Variants in EML6 observed in about 807,000 individuals in gnomAD.
EML6 encodes the protein echinoderm microtubule-associated protein-like 6.
In EML6, 154 loss-of-function variants were observed where a neutral mutation model predicts 240.1. That is an observed-to-expected ratio of 0.64 (90% CI 0.56 to 0.73). The LOEUF (loss-of-function observed/expected upper bound fraction) is 0.73, where lower values mean the gene tolerates loss of function less well. EML6 is among the 30% of genes least tolerant of loss of function. The pLI, the probability that EML6 is intolerant of heterozygous loss-of-function variation, is 0.00. For missense variants in EML6, 2,964 were observed against 2,474.6 expected, an observed-to-expected ratio of 1.20 and a Z score of -4.20; for synonymous variants, 1,148 against 899.0, an observed-to-expected ratio of 1.28 and a Z score of -4.95.
chr2:54,876,796 T>A (rs1671529238), intron 16 of EML6, among the ~76,000 whole-genome samples: 2 of 152,188 alleles, frequency 1.3e-5, no homozygotes, highest in Middle Eastern at 3.2e-3. Flanking sequence ...TCAGAGTAGC[T>A]ATCACATCCA....
At chr2:54,781,773 G>C (rs2103853303) in intron 2 of EML6, among the ~76,000 whole-genome samples, 1 of 152,228 alleles carries the variant, frequency 6.6e-6, no homozygotes, top group Middle Eastern at 3.4e-3. Flanking sequence ...GGGCTCAAGT[G>C]ATCCTCCCAC....
At chr2:54,943,181 T>C (rs1430653205) in intron 28 of EML6, among the ~76,000 whole-genome samples, 2 of 152,226 alleles carry the variant, frequency 1.3e-5, no homozygotes, top group East Asian at 3.8e-4. Context: ...GCATTCCATC[T>C]TGGTGCTTCT....
chr2:54,933,594 T>C (rs549746946), intron 28 of EML6, among the ~76,000 whole-genome samples: 6 of 152,014 alleles, frequency 3.9e-5, no homozygotes, highest in African/African-American at 1.4e-4. Flanking sequence ...ATTAGCCTGG[T>C]ATGGTGGCAC....
chr2:54,858,810 T>C (rs1439401342), intron 11 of EML6, among the ~76,000 whole-genome samples: 1 of 152,184 alleles, frequency 6.6e-6, no homozygotes, highest in Non-Finnish European at 1.5e-5. Context: ...CCAACCCTAA[T>C]AAAAGGGATT....
At chr2:54,793,008 C>G (rs1237054623) in intron 2 of EML6, among the ~76,000 whole-genome samples, 1 of 152,168 alleles carries the variant, frequency 6.6e-6, no homozygotes, top group Non-Finnish European at 1.5e-5. Context: ...TGGCTCTCAA[C>G]TATAATCTCA....
chr2:54,853,480 TTTAA>T (rs1670202263), intron 10 of EML6, among the ~76,000 whole-genome samples, 159 bp from the exon 11 acceptor site: 1 of 151,382 alleles, frequency 6.6e-6, no homozygotes, highest in African/African-American at 2.4e-5. Context: ...GTGGGCTTTC[TTTAA>T]GCCACGCAAA....
At chr2:54,843,531 A>G (rs1232692521) in intron 7 of EML6, among the ~76,000 whole-genome samples, 1 of 152,172 alleles carries the variant, frequency 6.6e-6, no homozygotes, top group Non-Finnish European at 1.5e-5. Context: ...TGGAGGAAAC[A>G]TCCAGCGCTT....
chr2:54,841,047 C>A (rs901306363), intron 7 of EML6, among the ~76,000 whole-genome samples: 2 of 152,100 alleles, frequency 1.3e-5, no homozygotes, highest in African/African-American at 4.8e-5. Context: ...TATGTTGACT[C>A]CTGAGTGGTA....
chr2:54,848,934 C>T (rs796889798), intron 9 of EML6, among the ~76,000 whole-genome samples: 11 of 152,158 alleles, frequency 7.2e-5, no homozygotes, highest in African/African-American at 2.2e-4. Flanking sequence ...GCTCTTTTTG[C>T]GACAATAGGT....
chr2:54,914,515 A>G (rs1189644420), intron 25 of EML6, among the ~76,000 whole-genome samples: 1 of 151,878 alleles, frequency 6.6e-6, no homozygotes, highest in African/African-American at 2.4e-5. Flanking sequence ...CAAAAGGAAA[A>G]TTCATGTTAT....
chr2:54,744,905 T>TACAC (rs56324677), intron 2 of EML6, among the ~76,000 whole-genome samples: 5,584 of 107,030 alleles, frequency 0.052, 333 homozygotes, highest in Middle Eastern at 0.085. Context: ...CACACACACG[T>TACAC]ACACACACAC....
intron 28 of EML6, among the ~76,000 whole-genome samples, chr2:54,943,909 G>A (rs965090612): frequency 2.0e-5 from 3 of 152,132 alleles, no homozygotes; most frequent in Non-Finnish European, 4.4e-5. Flanking sequence ...GCCACATGTG[G>A]CATTGGCTAC....
chr2:54,908,369 C>T (rs1573119845), intron 24 of EML6, among the ~76,000 whole-genome samples: 1 of 151,934 alleles, frequency 6.6e-6, no homozygotes, highest in African/African-American at 2.4e-5. Flanking sequence ...GCCACCATGC[C>T]CGGCTAATTT....
intron 17 of EML6, chr2:54,881,008 A>G (rs1238905893): frequency 6.6e-6 from 1 of 152,198 alleles, no homozygotes; most frequent in Non-Finnish European, 1.5e-5. Context: ...GGATAGTGTT[A>G]CTGCCTCTAT....
chr2:54,785,547 G>A (rs1336759248), intron 2 of EML6, among the ~76,000 whole-genome samples: 1 of 152,074 alleles, frequency 6.6e-6, no homozygotes, highest in Non-Finnish European at 1.5e-5. Flanking sequence ...TACTACAGAG[G>A]TACAGTGTGC....
chr2:54,967,051 C>G lies in EML6; in HGVS notation c.5545C>G (p.Gln1849Glu). The G allele has an allele frequency of 6.4e-7, 1 of 1,551,448 alleles. No homozygotes were observed. The highest frequency in any genetic ancestry group is 8.7e-7 in the Non-Finnish European group (1 of 1,146,862). Residue 1849 changes from glutamine (Q) to glutamate (E), a missense_variant, in exon 39 of 42, where the codon CAG becomes GAG. Coordinates refer to ENST00000356458, the MANE Select transcript of EML6 (RefSeq NM_001039753.4). ...GGTGCATGAGGTCCCCCTGGGGAAG[C>G]AGGTAACTGAAGCCGTGGTCATTGA... ...RQVHEVPLGK[Q>E]VTEAVVIEKI...
intron 14 of EML6, chr2:54,868,104 T>C (rs1341891153): frequency 6.6e-6 from 1 of 152,240 alleles, no homozygotes; most frequent in Non-Finnish European, 1.5e-5. Context: ...TCATAAGTTT[T>C]TATATTGATT....
intron 7 of EML6, among the ~76,000 whole-genome samples, chr2:54,840,454 A>G (rs1396118218): frequency 1.3e-5 from 2 of 152,328 alleles, no homozygotes; most frequent in South Asian, 2.1e-4. Flanking sequence ...TTTTTGATGC[A>G]TGGATATCTG....
chr2:54,841,882 C>A (rs1041672134), intron 7 of EML6, among the ~76,000 whole-genome samples: 41 of 152,028 alleles, frequency 2.7e-4, no homozygotes, highest in African/African-American at 9.6e-4. Context: ...CATGAGCCAC[C>A]GTGCCTTGCC....
Sources: gnomAD v4.1 joint callset for allele counts (sites outside exome capture counted in the v4.1 genomes callset) on GRCh38, gnomAD v4.1.1 for gene constraint, MANE v1.5 for transcripts, NCBI Gene and HGNC (gene_info 2026-07-23, HGNC 2026-07-21) for gene names.